B3GNT5: variants seen among roughly 807,000 people sequenced by gnomAD.
B3GNT5 encodes UDP-GlcNAc:betaGal beta-1,3-N-acetylglucosaminyltransferase 5, also known as lactosylceramide 1,3-N-acetyl-beta-D-glucosaminyltransferase.
In B3GNT5, 11 loss-of-function variants were observed where a neutral mutation model predicts 25.9. The observed-to-expected ratio is 0.42, with a 90% CI of 0.27 to 0.70. The LOEUF is 0.70. Ranked by LOEUF, B3GNT5 falls within the 30% of genes least tolerant of loss-of-function variation. The pLI is 0.23. For synonymous variants in B3GNT5, 166 were observed against 158.6 expected (o/e 1.05, Z -0.35); for missense variants, 385 against 458.4 (o/e 0.84, Z 1.46).
chr3:183,254,074 C>T (rs1023311715), intron 1 of B3GNT5: 1 of 151,938 alleles, frequency 6.6e-6, no homozygotes, highest in Non-Finnish European at 1.5e-5. Flanking sequence ...CCGCCCCGCC[C>T]CCGCCCCGCC....
chr3:183,269,907 A>T lies in B3GNT5; in HGVS notation c.109A>T (p.Asn37Tyr). The T allele has an allele frequency of 6.2e-7, 1 of 1,614,102 alleles. No homozygotes were observed. The highest frequency in any genetic ancestry group is 2.2e-5 in the East Asian group (1 of 44,876). Reference protein sequence around the residue: ...SLMFFWEPIDNHIVSHMKSYS... With the variant: ...SLMFFWEPIDYHIVSHMKSYS... ...CATGTTTTTTTGGGAACCAATCGATAATCACATTGTGAGCCATATGAAGTC... is the reference window on the plus strand; with the variant it reads ...CATGTTTTTTTGGGAACCAATCGATTATCACATTGTGAGCCATATGAAGTC... The change falls in exon 2 of 2, where the codon AAT (asparagine) becomes TAT (tyrosine). Residue 37 changes from asparagine (N) to tyrosine (Y), a missense_variant. Asn to Tyr is a moderately radical substitution (Grantham distance 143). Transcript: ENST00000326505.
At position 183,270,463 on chromosome 3, in the gene B3GNT5, G is replaced by A. The variant is rs780884644; in HGVS notation, c.665G>A (p.Arg222His). 12 of 1,614,160 alleles carry A rather than the reference G, an allele frequency of 7.4e-6. No individual in the cohort carries two copies. Among genetic ancestry groups the A allele is most frequent in the South Asian group, 5.5e-5 (5 of 91,088 alleles). Residue 222 changes from arginine (R) to histidine (H), a missense_variant, in exon 2 of 2, where the codon CGT becomes CAT. Transcript: ENST00000326505. This position sits in a 1 kb window ranked among gnomAD's most constrained non-coding sequence, Gnocchi z 4.5. The part of the protein sequence containing the change: ...QIGVQDFWIG[R>H]VHRGAPPIRD... Reference sequence around the variant, plus strand: ...GGTGTTCAAGACTTTTGGATTGGTCGTGTTCATCGTGGTGCCCCTCCCATT... The same window carrying A: ...GGTGTTCAAGACTTTTGGATTGGTCATGTTCATCGTGGTGCCCCTCCCATT...
intron 1 of B3GNT5, 141 bp downstream of exon 1, chr3:183,253,613 G>A (rs1035148487): frequency 1.3e-5 from 2 of 152,340 alleles, no homozygotes; most frequent in African/African-American, 4.8e-5. Context: ...ACGCATAAGT[G>A]GTGTGACCAG....
Position 183,263,541 on chromosome 3 carries a change from CCTT to C in B3GNT5, c.-301-5954_-301-5952del, listed in dbSNP as rs144616270. Among the ~76,000 whole-genome samples the C allele has an allele frequency of 9.3e-3, 1,421 of 152,210 alleles. 27 individuals carry two copies. The highest frequency in any genetic ancestry group is 0.032 in the African/African-American group (1,327 of 41,506). ...TTTTTCATTGACTCCTCCTTTCTCT[CCTT>C]CTCCGGAGTTTATTTTTCCTCCAGG... is the stretch of plus-strand genomic sequence containing the variant. On this transcript the variant is annotated intron_variant, in intron 1 of 1. Transcript: ENST00000326505.
At position 183,267,152 on chromosome 3, in the gene B3GNT5, G is replaced by C. The variant is rs1726226004; in HGVS notation, c.-301-2346G>C. Among the ~76,000 whole-genome samples the C allele has an allele frequency of 6.6e-6, 1 of 151,918 alleles. No homozygotes were observed. Among genetic ancestry groups the C allele is most frequent in the Non-Finnish European group, 1.5e-5 (1 of 68,002 alleles). ...TTACACCCCTGAACACACACACACA[G>C]AAAACCCAAAAGTTTCACAAAATGA... On this transcript the variant is annotated intron_variant, in intron 1 of 1. Coordinates refer to ENST00000326505, the MANE Select transcript of B3GNT5 (RefSeq NM_032047.5). The surrounding 1 kb of genome is among the most constrained non-coding windows in gnomAD (Gnocchi z 5.5).
chr3:183,270,854 A>C lies in B3GNT5; in HGVS notation c.1056A>C (p.Ile352=), dbSNP rs201823168. 1.2e-6 allele frequency: 2 copies of C among 1,613,384 alleles called. No homozygotes were observed. The highest frequency in any genetic ancestry group is 4.5e-5 in the East Asian group (2 of 44,880). ...TTTCCAAAGGTTTTTTTGGTCAAAT[A>C]TACTGCAGATTAATGAAGATAATTC... is the stretch of plus-strand genomic sequence containing the variant. The part of the protein sequence containing the change: ...KTISKGFFGQ[I]YCRLMKIILL... Residue 352 remains isoleucine (I), a synonymous_variant, in exon 2 of 2, where the codon ATA becomes ATC. Transcript: ENST00000326505. The surrounding 1 kb of genome is among the most constrained non-coding windows in gnomAD (Gnocchi z 4.5).
intron 1 of B3GNT5, among the ~76,000 whole-genome samples, chr3:183,264,023 A>C (rs1192798715): frequency 6.6e-6 from 1 of 152,038 alleles, no homozygotes; most frequent in African/African-American, 2.4e-5. Flanking sequence ...TCTGCATTTC[A>C]CCCCATACCA....
intron 1 of B3GNT5, among the ~76,000 whole-genome samples, chr3:183,257,140 C>G (rs1440655293): frequency 1.3e-5 from 2 of 152,190 alleles, no homozygotes; most frequent in South Asian, 4.1e-4. Flanking sequence ...GAAATTTGCA[C>G]AGATGGAACA....
In B3GNT5 at chr3:183,272,703, A is replaced by C; in HGVS notation, c.*1768A>C. 2.0e-6 allele frequency: 2 copies of C among 1,015,936 alleles called. No individual in the cohort carries two copies. Among genetic ancestry groups the C allele is most frequent in the Non-Finnish European group, 1.2e-6 (1 of 840,220 alleles). The allele number at this position is 1,015,936 out of a possible 1,614,324, so 62.9% of individuals were successfully genotyped here. A position where few individuals can be genotyped will look rare whatever the true frequency, so the allele number is the denominator to read the frequency against. On this transcript the variant is annotated 3_prime_UTR_variant, in exon 2 of 2. Coordinates refer to ENST00000326505, the MANE Select transcript of B3GNT5 (RefSeq NM_032047.5). The stretch of plus-strand genomic sequence containing the variant: ...CAATTAAAAAAACATAGAGAACAAA[A>C]GCATATTTGACCAAGCAACAAGCTT...
Position 183,272,247 on chromosome 3 carries a change from A to G in B3GNT5, c.*1312A>G. The G allele has an allele frequency of 1.0e-6, 1 of 1,000,236 alleles. No individual in the cohort carries two copies. The highest frequency in any genetic ancestry group is 1.2e-6 in the Non-Finnish European group (1 of 829,972). The allele number at this position is 1,000,236 out of a possible 1,614,324, so 62.0% of individuals were successfully genotyped here. On this transcript the variant is annotated 3_prime_UTR_variant, in exon 2 of 2. Transcript: ENST00000326505. ...CAGGATAAAAATGTGGCTATAATAC[A>G]CACTACCTCCCTTCACTACAGAAAG...
rs1726301994 is a variant in B3GNT5, at chr3:183,267,754, C to T, written c.-301-1744C>T. Reference sequence around the variant, plus strand: ...TCTTGAGGAAGGAGGGTGCTGCGTCCCAGTGGTGGAGGAAAAGAGAGGACC... The same window carrying T: ...TCTTGAGGAAGGAGGGTGCTGCGTCTCAGTGGTGGAGGAAAAGAGAGGACC... On this transcript the variant is annotated intron_variant, in intron 1 of 1. Transcript: ENST00000326505. This position sits in a 1 kb window ranked among gnomAD's most constrained non-coding sequence, Gnocchi z 5.5. Among the ~76,000 whole-genome samples the T allele has an allele frequency of 6.6e-6, 1 of 152,172 alleles. No individual in the cohort carries two copies. Among genetic ancestry groups the T allele is most frequent in the African/African-American group, 2.4e-5 (1 of 41,434 alleles).
At position 183,270,328 on chromosome 3, in the gene B3GNT5, G is replaced by A; in HGVS notation, c.530G>A (p.Ser177Asn). Residue 177 changes from serine (S) to asparagine (N), a missense_variant, in exon 2 of 2, where the codon AGT (serine) becomes AAT (asparagine). Physicochemically the swap from Ser to Asn is conservative, Grantham distance 46. Transcript: ENST00000326505. This position sits in a 1 kb window ranked among gnomAD's most constrained non-coding sequence, Gnocchi z 4.5. ...ACTCTGAAATTACTTATGCAGTTCA[G>A]TTGGGCAAATACCTATTGTCCACAT... is the stretch of plus-strand genomic sequence containing the variant. ...NLTLKLLMQFSWANTYCPHAK... is the reference protein window; with the variant it reads ...NLTLKLLMQFNWANTYCPHAK... 6.2e-7 allele frequency: 1 copy of A among 1,614,150 alleles called. No homozygotes were observed. The highest frequency in any genetic ancestry group is 8.5e-7 in the Non-Finnish European group (1 of 1,180,020).
chr3:183,257,658 A>C (rs1012817202), intron 1 of B3GNT5, among the ~76,000 whole-genome samples: 1 of 152,170 alleles, frequency 6.6e-6, no homozygotes, highest in Non-Finnish European at 1.5e-5. Context: ...CCCTCTATCA[A>C]GTGTTGCTTC....
intron 1 of B3GNT5, among the ~76,000 whole-genome samples, chr3:183,264,923 C>A (rs1316063207): frequency 6.6e-6 from 1 of 152,164 alleles, no homozygotes; most frequent in African/African-American, 2.4e-5. Flanking sequence ...TACTTCTATT[C>A]TTTATTCTTC....
intron 1 of B3GNT5, among the ~76,000 whole-genome samples, chr3:183,268,368 C>T (rs980719052): frequency 1.3e-5 from 2 of 152,102 alleles, no homozygotes; most frequent in Non-Finnish European, 2.9e-5. Context: ...ACAAAGGTCA[C>T]GCTGACTGTA....
rs1324293340 is a variant in B3GNT5 at position 183,272,947 on chromosome 3, G to T, written c.*2012G>T. On this transcript the variant is annotated 3_prime_UTR_variant, in exon 2 of 2. Coordinates refer to ENST00000326505, the MANE Select transcript of B3GNT5 (RefSeq NM_032047.5). Reference sequence around the variant, plus strand: ...ACTGTGTCCTTTTAATTTTTGCTTAGAATAGAATGGAACAAGTTTAAATTT... The same window carrying T: ...ACTGTGTCCTTTTAATTTTTGCTTATAATAGAATGGAACAAGTTTAAATTT... 2.1e-6 allele frequency: 3 copies of T among 1,431,218 alleles called. No individual in the cohort carries two copies. The African/African-American group carries it at 4.5e-5, about 21-fold the overall frequency. 88.7% of individuals were successfully genotyped at this position (1,431,218 alleles called of 1,614,324 possible). A position where few individuals can be genotyped will look rare whatever the true frequency, so the allele number is the denominator to read the frequency against.
intron 1 of B3GNT5, among the ~76,000 whole-genome samples, chr3:183,256,458 C>T (rs1480044180): frequency 1.3e-5 from 2 of 152,054 alleles, no homozygotes; most frequent in Non-Finnish European, 2.9e-5. Flanking sequence ...AATAAAAAAG[C>T]GATTTTTTAG....
rs1254911775 is a variant in B3GNT5 at position 183,271,319 on chromosome 3, A to G, written c.*384A>G. On this transcript the variant is annotated 3_prime_UTR_variant, in exon 2 of 2. Transcript: ENST00000326505. ...AGTACAACATTTCAAGGAAATGAATATATTGTTAGACCAGGTAAGCAAGTT... is the reference window on the plus strand; with the variant it reads ...AGTACAACATTTCAAGGAAATGAATGTATTGTTAGACCAGGTAAGCAAGTT... 5.9e-6 allele frequency: 1 copy of G among 170,088 alleles called. No individual in the cohort carries two copies. Among genetic ancestry groups the G allele is most frequent in the African/African-American group, 2.4e-5 (1 of 41,558 alleles). 10.5% of individuals were successfully genotyped at this position (170,088 alleles called of 1,614,324 possible). A position where few individuals can be genotyped will look rare whatever the true frequency, so the allele number is the denominator to read the frequency against.
intron 1 of B3GNT5, among the ~76,000 whole-genome samples, chr3:183,259,249 G>A (rs951473563): frequency 6.6e-6 from 1 of 152,148 alleles, no homozygotes; most frequent in Non-Finnish European, 1.5e-5. Context: ...TTGAGTGAAC[G>A]TTGTTCTTCT....
Sources: allele counts gnomAD v4.1 joint callset (sites outside exome capture counted in the v4.1 genomes callset), GRCh38; gene constraint gnomAD v4.1.1; non-coding constraint Gnocchi (gnomAD v3.1); transcripts MANE v1.5; gene names NCBI Gene and HGNC (gene_info 2026-07-23, HGNC 2026-07-21).